Variants in CLSTN1 observed in about 807,000 individuals in gnomAD.
CLSTN1 encodes calsyntenin 1, also known as calsyntenin-1.
In CLSTN1, 28 loss-of-function variants were observed where a neutral mutation model predicts 108.3. The ratio of observed to expected loss-of-function variants is 0.26; its 90% CI spans 0.19 to 0.35. CLSTN1 has a LOEUF of 0.35. Ranked by LOEUF, CLSTN1 falls within the 10% of genes least tolerant of loss-of-function variation. CLSTN1 has a pLI of 1.00. For synonymous variants in CLSTN1, 524 were observed against 534.9 expected, an observed-to-expected ratio of 0.98 and a Z score of 0.28; for missense variants, 1,157 against 1,302.6, an observed-to-expected ratio of 0.89 and a Z score of 1.72.
At chr1:9,796,086 A>AC (rs1653979871) in intron 1 of CLSTN1, among the ~76,000 whole-genome samples, 1 of 150,580 alleles carries the variant, frequency 6.6e-6, no homozygotes. Context: ...ACATGGTGAA[A>AC]CCCTGTCTCT....
Position 9,823,680 on chromosome 1 carries a change from G to C in CLSTN1, c.54C>G (p.Ala18=). Residue 18 remains alanine (A), a synonymous_variant, in exon 1 of 19, where the codon GCC becomes GCG. Transcript: ENST00000377298. This position sits in a 1 kb window ranked among gnomAD's most constrained non-coding sequence, Gnocchi z 6.3. ...ALAPAARLLL[A]GLLCGGGVWA... ...AGACCCCGCCGCCGCACAGCAGCCC[G>C]GCCAGCAGCAGCCGGGCGGCCGGGG... is the stretch of plus-strand genomic sequence containing the variant. The C allele has an allele frequency of 8.5e-7, 1 of 1,170,388 alleles. No individual in the cohort carries two copies. Among genetic ancestry groups the C allele is most frequent in the East Asian group, 3.8e-5 (1 of 26,228 alleles). 72.5% of individuals were successfully genotyped at this position (1,170,388 alleles called of 1,614,324 possible). A position where few individuals can be genotyped will look rare whatever the true frequency, so the allele number is the denominator to read the frequency against.
At position 9,730,904 on chromosome 1, in the gene CLSTN1, A is replaced by G. The variant is rs114600337; in HGVS notation, c.2749-199T>C. 0.01 allele frequency among the ~76,000 whole-genome samples: 1,532 copies of G among 152,276 alleles called. 23 individuals carry two copies. Among genetic ancestry groups the G allele is most frequent in the East Asian group, 0.043 (223 of 5,182 alleles). On this transcript the variant is annotated intron_variant, in intron 18 of 18. Transcript: ENST00000377298. This position sits in a 1 kb window ranked among gnomAD's most constrained non-coding sequence, Gnocchi z 5.6. Reference sequence around the variant, plus strand: ...AGCTCCAGTCAGCACCCACGGAGTCACCCACATACAAAGCAGCTTGGGACA... The same window carrying G: ...AGCTCCAGTCAGCACCCACGGAGTCGCCCACATACAAAGCAGCTTGGGACA...
chr1:9,779,736 A>G (rs753441248), intron 1 of CLSTN1, among the ~76,000 whole-genome samples: 2 of 151,964 alleles, frequency 1.3e-5, no homozygotes, highest in African/African-American at 2.4e-5. Flanking sequence ...TCAGGTATCT[A>G]TGAAAATAAA....
chr1:9,816,515 T>C (rs1452411096), intron 1 of CLSTN1, among the ~76,000 whole-genome samples: 1 of 149,604 alleles, frequency 6.7e-6, no homozygotes, highest in East Asian at 1.9e-4. Context: ...GTATGTGAAC[T>C]ATACCTCAAT....
chr1:9,785,153 G>A (rs984074946), intron 1 of CLSTN1, among the ~76,000 whole-genome samples: 49 of 151,898 alleles, frequency 3.2e-4, no homozygotes, highest in African/African-American at 1.2e-3. Flanking sequence ...TTGACCTCAG[G>A]TGATCCACCG....
intron 1 of CLSTN1, among the ~76,000 whole-genome samples, chr1:9,820,676 A>G (rs998624913): frequency 6.6e-6 from 1 of 152,204 alleles, no homozygotes; most frequent in East Asian, 1.9e-4. Flanking sequence ...CATTCATTCA[A>G]TCACACAATA....
At chr1:9,766,667 A>G (rs1652351437) in intron 2 of CLSTN1, among the ~76,000 whole-genome samples, 1 of 152,202 alleles carries the variant, frequency 6.6e-6, no homozygotes, top group Non-Finnish European at 1.5e-5. Context: ...CTCAAAAATA[A>G]ATAGATAAAT....
intron 4 of CLSTN1, 111 bp downstream of exon 4, chr1:9,755,003 T>G: frequency 1.2e-6 from 1 of 806,412 alleles, no homozygotes; most frequent in Non-Finnish European, 2.0e-6. Context: ...AACTATCTTC[T>G]GCCTATTTCA....
intron 1 of CLSTN1, among the ~76,000 whole-genome samples, chr1:9,815,435 T>C (rs1654930795): frequency 6.6e-6 from 1 of 152,204 alleles, no homozygotes; most frequent in African/African-American, 2.4e-5. Context: ...AGAAATTATA[T>C]GAGAGACAAT....
Position 9,749,533 on chromosome 1 carries a change from G to C in CLSTN1, c.913C>G (p.Leu305Val). 1 of 1,614,192 alleles carries C rather than the reference G, an allele frequency of 6.2e-7. No individual in the cohort carries two copies. The highest frequency in any genetic ancestry group is 1.1e-5 in the South Asian group (1 of 91,076). The stretch of plus-strand genomic sequence containing the variant: ...CCTTTCCCTATGTGGCTGGTTTCTA[G>C]CTCCACTGTGGCCTGTACTGAGGCG... ...PVASVQATVE[L>V]ETSHIGKGCD... is the part of the protein sequence containing the mutation. The change falls in exon 7 of 19, where the codon CTA becomes GTA. Residue 305 changes from leucine to valine, a missense_variant. Transcript: ENST00000377298.
intron 7 of CLSTN1, among the ~76,000 whole-genome samples, chr1:9,749,152 CCTCGG>C (rs1169773599): frequency 6.6e-6 from 1 of 152,144 alleles, no homozygotes; most frequent in Non-Finnish European, 1.5e-5. Flanking sequence ...GATCTTCCCA[CCTCGG>C]CCTCCTAAAG....
intron 7 of CLSTN1, among the ~76,000 whole-genome samples, chr1:9,746,293 T>A (rs6663532): frequency 0.046 from 7,072 of 152,284 alleles, 520 homozygotes; most frequent in African/African-American, 0.16. Flanking sequence ...ATGTTCAAAT[T>A]AAAAAAATTT....
chr1:9,774,193 G>A (rs920832009), intron 1 of CLSTN1, among the ~76,000 whole-genome samples: 2 of 152,026 alleles, frequency 1.3e-5, no homozygotes, highest in African/African-American at 2.4e-5. Context: ...AAGCAAAGAT[G>A]CAAAACACAA....
At chr1:9,756,592 G>A in intron 2 of CLSTN1, 82 bp from the exon 3 acceptor site, 1 of 1,200,646 alleles carries the variant, frequency 8.3e-7, no homozygotes, top group Non-Finnish European at 1.2e-6. Flanking sequence ...AGTCAAAGGT[G>A]CACATATTAC....
intron 1 of CLSTN1, among the ~76,000 whole-genome samples, chr1:9,775,104 G>A (rs549765442): frequency 3.9e-5 from 6 of 152,156 alleles, no homozygotes; most frequent in South Asian, 4.2e-4. Flanking sequence ...GGTGGGTTTC[G>A]GCGGGCTTCT....
intron 18 of CLSTN1, 36 bp downstream of exon 18, chr1:9,731,170 G>C (rs1269073138): frequency 6.2e-7 from 1 of 1,612,682 alleles, no homozygotes; most frequent in Admixed American, 1.7e-5. Flanking sequence ...GGCCTGTGCT[G>C]CCTCTCAGTC....
At chr1:9,737,086 A>AG (rs1650731743) in intron 11 of CLSTN1, among the ~76,000 whole-genome samples, 1 of 152,150 alleles carries the variant, frequency 6.6e-6, no homozygotes. Flanking sequence ...ACAAAAAAAA[A>AG]AGAGAGACGT....
chr1:9,750,958 G>A (rs112690867), intron 5 of CLSTN1, among the ~76,000 whole-genome samples: 2 of 151,858 alleles, frequency 1.3e-5, no homozygotes, highest in South Asian at 4.2e-4. Flanking sequence ...CCAGCTACTC[G>A]AGAGGCTAAG....
intron 1 of CLSTN1, among the ~76,000 whole-genome samples, chr1:9,808,067 A>G (rs1457515321): frequency 6.6e-6 from 1 of 152,182 alleles, no homozygotes; most frequent in Non-Finnish European, 1.5e-5. Context: ...TGGTTTACAG[A>G]ATGACAGCAG....
Sources: allele counts gnomAD v4.1 joint callset (sites outside exome capture counted in the v4.1 genomes callset), GRCh38; gene constraint gnomAD v4.1.1; non-coding constraint Gnocchi (gnomAD v3.1); transcripts MANE v1.5; gene names NCBI Gene and HGNC (gene_info 2026-07-23, HGNC 2026-07-21).